The following CIB1 variants were observed in gnomAD, a reference collection of about 807,000 sequenced individuals.
The protein encoded by CIB1 is calcium and integrin binding 1.
CIB1 carries 19 observed loss-of-function variants against 25.0 expected under a neutral mutation model. The observed-to-expected ratio is 0.76, with a 90% CI of 0.53 to 1.12. The LOEUF (loss-of-function observed/expected upper bound fraction) is 1.12, where lower values mean the gene tolerates loss of function less well. CIB1 is among the 50% of genes most tolerant of loss of function. The pLI is 0.00. For missense variants in CIB1, 236 were observed against 242.6 expected, an observed-to-expected ratio of 0.97 and a Z score of 0.18; for synonymous variants, 104 against 98.5, an observed-to-expected ratio of 1.06 and a Z score of -0.33.
the CIB1 span, among the ~76,000 whole-genome samples, chr15:90,256,633 CCTTCCTTCTTT>C: frequency 6.8e-3 from 522 of 76,340 alleles, 9 homozygotes; most frequent in African/African-American, 0.029. Flanking sequence ...TTCCTTCCTT[CCTTCCTTCTTT>C]CTTTCTCCCT....
At chr15:90,255,626 G>A in the CIB1 span, 2 of 1,353,782 alleles carry the variant, frequency 1.5e-6, no homozygotes, top group South Asian at 2.6e-5. Flanking sequence ...GGGGTCCTTG[G>A]TGCAGTGCTT....
chr15:90,231,207 T>C lies in CIB1; in HGVS notation c.353A>G (p.Asp118Gly). 6.4e-7 allele frequency: 1 copy of C among 1,574,452 alleles called. No individual in the cohort carries two copies. Among genetic ancestry groups the C allele is most frequent in the African/African-American group, 1.5e-5 (1 of 67,150 alleles). ...SHYAFRIFDF[D>G]DDGTLNREDL... is the part of the protein sequence containing the mutation. The stretch of plus-strand genomic sequence containing the variant: ...TTCTCTGTTCAAGGTTCCGTCATCA[T>C]CAAAGTCTAGAGAGCAGACACAGGA... Residue 118 changes from aspartate (D) to glycine (G), a missense_variant, in exon 5 of 7, where the codon GAT becomes GGT. Physicochemically the swap from Asp to Gly is moderately conservative, Grantham distance 94. Transcript: ENST00000328649.
intron 6 of CIB1, 133 bp from the exon 7 acceptor site, chr15:90,230,638 A>G: frequency 1.1e-6 from 1 of 924,580 alleles, no homozygotes; most frequent in Non-Finnish European, 1.7e-6. Context: ...CTCTGCAAGA[A>G]CTCCCCGAGA....
At chr15:90,265,461 A>G in the CIB1 span, 1 of 1,353,086 alleles carries the variant, frequency 7.4e-7, no homozygotes, top group Non-Finnish European at 9.5e-7. Context: ...ACTTTAATTA[A>G]AGTTTATGCA....
chr15:90,250,957 T>C, the CIB1 span: 1 of 1,545,048 alleles, frequency 6.5e-7, no homozygotes, highest in East Asian at 2.3e-5. Flanking sequence ...CTTCAACATC[T>C]GGAGGAGCTG....
At chr15:90,240,901 T>C in the CIB1 span, 5 of 1,602,302 alleles carry the variant, frequency 3.1e-6, no homozygotes, top group Non-Finnish European at 4.3e-6. Context: ...CTATTTCAGG[T>C]CAGCTCTATG....
chr15:90,250,465 C>T, the CIB1 span, among the ~76,000 whole-genome samples: 1 of 152,158 alleles, frequency 6.6e-6, no homozygotes, highest in South Asian at 2.1e-4. Context: ...CTGGACACAT[C>T]CCATTCCTCA....
chr15:90,255,866 A>T, the CIB1 span: 2 of 1,614,032 alleles, frequency 1.2e-6, no homozygotes, highest in Non-Finnish European at 1.7e-6. Flanking sequence ...CTTCCCCCGC[A>T]CCTGGTGCCT....
the CIB1 span, chr15:90,257,630 T>G: frequency 6.2e-7 from 1 of 1,613,976 alleles, no homozygotes; most frequent in African/African-American, 1.3e-5. Flanking sequence ...GGCCACTCTT[T>G]CCACAGGACA....
chr15:90,241,323 C>T, the CIB1 span: 3 of 1,614,220 alleles, frequency 1.9e-6, no homozygotes, highest in Non-Finnish European at 2.5e-6. Context: ...CTTCCGTTTG[C>T]ACCGGGAGCC....
chr15:90,256,618 CTTCCTTCCTTCCTTCCTTCCTTCT>C, the CIB1 span, among the ~76,000 whole-genome samples: 22 of 48,804 alleles, frequency 4.5e-4, no homozygotes, highest in Admixed American at 2.6e-3. Flanking sequence ...TCCTTCCTTC[CTTCCTTCCTTCCTTCCTTCCTTCT>C]TTCTTTCTCC....
At chr15:90,257,620 G>A in the CIB1 span, 6 of 1,612,780 alleles carry the variant, frequency 3.7e-6, no homozygotes, top group African/African-American at 1.3e-5. Context: ...GAGACCACAG[G>A]GCCACTCTTT....
At chr15:90,238,561 T>G (rs555405248), upstream of CIB1, 1 of 152,278 alleles carries the variant, frequency 6.6e-6, no homozygotes, top group Non-Finnish European at 1.5e-5. Flanking sequence ...AATGCCTCCT[T>G]TTGACATCCT....
upstream of CIB1, chr15:90,234,015 C>A: frequency 9.2e-7 from 1 of 1,088,826 alleles, no homozygotes; most frequent in Non-Finnish European, 1.2e-6. Flanking sequence ...CCCGGGCCCG[C>A]CCCCTCCTAA....
At chr15:90,259,251 G>C in the CIB1 span, among the ~76,000 whole-genome samples, 28 of 151,880 alleles carry the variant, frequency 1.8e-4, no homozygotes, top group Non-Finnish European at 3.7e-4. Flanking sequence ...AATTAGCTGG[G>C]CATGGTGACA....
At chr15:90,240,669 C>A in the CIB1 span, among the ~76,000 whole-genome samples, 1 of 151,682 alleles carries the variant, frequency 6.6e-6, no homozygotes, top group Non-Finnish European at 1.5e-5. Flanking sequence ...AAAAATTACC[C>A]GGGCATGGTG....
rs563075894 is a variant in CIB1, at chr15:90,231,101, G to A, written c.459C>T (p.Ile153=). Residue 153 remains isoleucine, a synonymous_variant, in exon 5 of 7, where the codon ATC becomes ATT. Transcript: ENST00000328649. ...RLSASEMKQL[I]DNILEESDID... is the part of the protein sequence containing the mutation. Reference sequence around the variant, plus strand: ...GGCCTGCTCAGCTGCTCACGTTGTCGATGAGCTGCTTCATCTCAGACGCAC... The same window carrying A: ...GGCCTGCTCAGCTGCTCACGTTGTCAATGAGCTGCTTCATCTCAGACGCAC... 30 of 1,613,888 alleles carry A rather than the reference G, an allele frequency of 1.9e-5. No homozygotes were observed. The highest frequency in any genetic ancestry group is 1.6e-4 in the Middle Eastern group (1 of 6,062).
the CIB1 span, among the ~76,000 whole-genome samples, chr15:90,264,297 T>TCTCCTGACTCAGC: frequency 1.3e-5 from 2 of 152,088 alleles, no homozygotes; most frequent in Non-Finnish European, 2.9e-5. Flanking sequence ...CTCAAGTAAT[T>TCTCCTGACTCAGC]CTCCTGACTC....
chr15:90,249,708 C>A, the CIB1 span: 46,858 of 152,092 alleles, frequency 0.31, 8,017 homozygotes, highest in East Asian at 0.69. Context: ...CCCAGGGAGA[C>A]CTGGAGCCGG....
Sources: gnomAD v4.1 joint callset for allele counts (sites outside exome capture counted in the v4.1 genomes callset) on GRCh38, gnomAD v4.1.1 for gene constraint, MANE v1.5 for transcripts, NCBI Gene and HGNC (gene_info 2026-07-23, HGNC 2026-07-21) for gene names.